Variants in RBM12 observed in about 807,000 individuals in gnomAD.
RBM12 encodes RNA-binding protein 12.
RBM12 carries 24 observed loss-of-function variants against 37.2 expected under a neutral mutation model. The observed-to-expected ratio is 0.65, with a 90% CI of 0.47 to 0.91. The LOEUF (loss-of-function observed/expected upper bound fraction) is 0.91, where lower values mean the gene tolerates loss of function less well. Among genes scored for constraint, RBM12 ranks in the 40% least tolerant of loss-of-function variants. The pLI, the probability that RBM12 is intolerant of heterozygous loss-of-function variation, is 0.00. For synonymous variants in RBM12, 420 were observed against 425.2 expected, an observed-to-expected ratio of 0.99 and a Z score of 0.15; for missense variants, 1,061 against 1,183.2, an observed-to-expected ratio of 0.90 and a Z score of 1.52.
Position 35,649,125 on chromosome 20 carries a change from A to G in RBM12, c.*3399T>C, listed in dbSNP as rs534907193. The G allele has an allele frequency of 9.2e-4, 140 of 152,682 alleles. No individual in the cohort carries two copies. Among genetic ancestry groups the G allele is most frequent in the African/African-American group, 3.1e-3 (130 of 41,600 alleles). The allele number at this position is 152,682 out of a possible 1,614,324, so 9.5% of individuals were successfully genotyped here. On this transcript the variant is annotated 3_prime_UTR_variant, in exon 3 of 3. Transcript: ENST00000374114. ...AAGTCTGGACTACTATAGAACTGCCAGTAAAACAATTTAAATGTGGCAATT... is the reference window on the plus strand; with the variant it reads ...AAGTCTGGACTACTATAGAACTGCCGGTAAAACAATTTAAATGTGGCAATT...
At chr20:35,661,783 A>G (rs1027831580) in intron 1 of RBM12, among the ~76,000 whole-genome samples, 9 of 152,180 alleles carry the variant, frequency 5.9e-5, no homozygotes, top group African/African-American at 2.2e-4. Context: ...TAAAACGACT[A>G]TTTTCACTCT....
chr20:35,649,900 C>T lies in RBM12; in HGVS notation c.*2624G>A, dbSNP rs2033385379. Reference sequence around the variant, plus strand: ...TATCATGATAGTGTTTACAAATGCACACAACTTTGAGCAAAGCTTTACAAA... The same window carrying T: ...TATCATGATAGTGTTTACAAATGCATACAACTTTGAGCAAAGCTTTACAAA... On this transcript the variant is annotated 3_prime_UTR_variant, in exon 3 of 3. Transcript: ENST00000374114. 2 of 152,282 alleles carry T rather than the reference C, an allele frequency of 1.3e-5. No homozygotes were observed. The highest frequency in any genetic ancestry group is 4.8e-5 in the African/African-American group (2 of 41,422). The allele number at this position is 152,282 out of a possible 1,614,324, so 9.4% of individuals were successfully genotyped here.
intron 2 of RBM12, among the ~76,000 whole-genome samples, chr20:35,657,992 G>A (rs2076425370): frequency 6.6e-6 from 1 of 151,980 alleles, no homozygotes; most frequent in South Asian, 2.1e-4. Flanking sequence ...AACCCGGGAG[G>A]CAGAGATCAC....
In RBM12 at chr20:35,651,481, T is replaced by C. The variant is rs1448225034; in HGVS notation, c.*1043A>G. 1 of 152,226 alleles carries C rather than the reference T, an allele frequency of 6.6e-6. No individual in the cohort carries two copies. The highest frequency in any genetic ancestry group is 1.5e-5 in the Non-Finnish European group (1 of 68,052). 9.4% of individuals were successfully genotyped at this position (152,226 alleles called of 1,614,324 possible). A position where few individuals can be genotyped will look rare whatever the true frequency, so the allele number is the denominator to read the frequency against. Reference sequence around the variant, plus strand: ...TCTACGAACCAGCATACGGATCTTTTATTCTATACTACTACTGCTAACAAA... The same window carrying C: ...TCTACGAACCAGCATACGGATCTTTCATTCTATACTACTACTGCTAACAAA... On this transcript the variant is annotated 3_prime_UTR_variant, in exon 3 of 3. Coordinates refer to ENST00000374114, the MANE Select transcript of RBM12 (RefSeq NM_006047.6).
At chr20:35,663,501 G>A (rs570920115) in intron 1 of RBM12, among the ~76,000 whole-genome samples, 7 of 152,214 alleles carry the variant, frequency 4.6e-5, no homozygotes, top group Admixed American at 3.9e-4. Context: ...CTTTTTTCCA[G>A]TGGGTTATAC....
At position 35,649,464 on chromosome 20, in the gene RBM12, T is replaced by C. The variant is rs756470413; in HGVS notation, c.*3060A>G. The C allele has an allele frequency of 6.6e-6, 1 of 152,610 alleles. No individual in the cohort carries two copies. The highest frequency in any genetic ancestry group is 1.5e-5 in the Non-Finnish European group (1 of 68,026). The allele number at this position is 152,610 out of a possible 1,614,324, so 9.5% of individuals were successfully genotyped here. A position where few individuals can be genotyped will look rare whatever the true frequency, so the allele number is the denominator to read the frequency against. The stretch of plus-strand genomic sequence containing the variant: ...AGACTGGCCTTAACTACACTGAATA[T>C]TACTACCTGAAATTTTAAATAAAGT... On this transcript the variant is annotated 3_prime_UTR_variant, in exon 3 of 3. Coordinates refer to ENST00000374114, the MANE Select transcript of RBM12 (RefSeq NM_006047.6).
chr20:35,658,837 AC>A (rs1420033211), intron 2 of RBM12, 92 bp downstream of exon 2: 81 of 659,072 alleles, frequency 1.2e-4, no homozygotes, highest in South Asian at 2.7e-4. Flanking sequence ...ACACACACAC[AC>A]AATATAGTTG....
At chr20:35,655,580 A>T (rs1025532251) in intron 2 of RBM12, among the ~76,000 whole-genome samples, 2 of 152,206 alleles carry the variant, frequency 1.3e-5, no homozygotes, top group South Asian at 2.1e-4. Context: ...CAGTCCCAAG[A>T]CTCAAAAAGT....
chr20:35,661,989 T>A (rs898122225), intron 1 of RBM12, among the ~76,000 whole-genome samples: 1 of 152,210 alleles, frequency 6.6e-6, no homozygotes, highest in African/African-American at 2.4e-5. Flanking sequence ...AATCACATTA[T>A]AATAAACATT....
Position 35,652,286 on chromosome 20 carries a change from T to C in RBM12, c.*238A>G, listed in dbSNP as rs1211580808. Reference sequence around the variant, plus strand: ...TGAGTTTTACAAATGGTTTCTCTAATGGTATGCCAAAATCATTTATGTGTT... The same window carrying C: ...TGAGTTTTACAAATGGTTTCTCTAACGGTATGCCAAAATCATTTATGTGTT... On this transcript the variant is annotated 3_prime_UTR_variant, in exon 3 of 3. Coordinates refer to ENST00000374114, the MANE Select transcript of RBM12 (RefSeq NM_006047.6). The C allele has an allele frequency of 4.5e-6, 2 of 445,758 alleles. No individual in the cohort carries two copies. The highest frequency in any genetic ancestry group is 7.9e-6 in the Non-Finnish European group (2 of 251,942). The allele number at this position is 445,758 out of a possible 1,614,324, so 27.6% of individuals were successfully genotyped here.
At chr20:35,656,693 C>G (rs992191448) in intron 2 of RBM12, among the ~76,000 whole-genome samples, 3 of 152,158 alleles carry the variant, frequency 2.0e-5, no homozygotes, top group African/African-American at 7.2e-5. Flanking sequence ...CGCCACCATG[C>G]CTGGCTAAGT....
Position 35,653,906 on chromosome 20 carries a change from C to T in RBM12, c.1417G>A (p.Glu473Lys). 6.2e-7 allele frequency: 1 copy of T among 1,614,150 alleles called. No individual in the cohort carries two copies. Among genetic ancestry groups the T allele is most frequent in the Non-Finnish European group, 8.5e-7 (1 of 1,180,026 alleles). ...AYGPNGKATG[E>K]GFVEFRNEAD... is the part of the protein sequence containing the mutation. Reference sequence around the variant, plus strand: ...TCATTTCTGAACTCTACAAAGCCTTCGCCAGTTGCTTTCCCATTGGGTCCA... The same window carrying T: ...TCATTTCTGAACTCTACAAAGCCTTTGCCAGTTGCTTTCCCATTGGGTCCA... Residue 473 changes from glutamate to lysine, a missense_variant, in exon 3 of 3, where the codon GAA becomes AAA. Transcript: ENST00000374114.
rs527379791 is a variant in RBM12, at chr20:35,662,296, A to AT, written c.-108+2463dup. On this transcript the variant is annotated intron_variant, in intron 1 of 2. Coordinates refer to ENST00000374114, the MANE Select transcript of RBM12 (RefSeq NM_006047.6). ...TTCATTTTCACTTCAGAGCAAAATT[A>AT]TACTTCTAACCTAAACAACCACATT... Among the ~76,000 whole-genome samples the AT allele has an allele frequency of 5.4e-4, 83 of 152,370 alleles. 1 individual carries two copies. In the South Asian group the frequency reaches 0.017, roughly 32 times the overall value.
intron 2 of RBM12, among the ~76,000 whole-genome samples, chr20:35,656,581 C>T (rs568519805): frequency 1.3e-5 from 2 of 152,340 alleles, no homozygotes; most frequent in South Asian, 4.1e-4. Flanking sequence ...GTAGCCCAGG[C>T]TGCAGTGCAA....
rs763463050 is a variant in RBM12 at position 35,654,797 on chromosome 20, G to T, written c.526C>A (p.Pro176Thr). Residue 176 changes from proline (P) to threonine (T), a missense_variant, in exon 3 of 3, where the codon CCA (proline) becomes ACA (threonine). Physicochemically the swap from Pro to Thr is conservative, Grantham distance 38. Transcript: ENST00000374114. Reference protein sequence around the residue: ...FGSPTFSSTVPSTASPMNTVP... With the variant: ...FGSPTFSSTVTSTASPMNTVP... ...GTGTTCATTGGAGAGGCTGTGCTTG[G>T]AACAGTTGAGCTAAACGTTGGGCTC... 1.2e-5 allele frequency: 19 copies of T among 1,614,074 alleles called. No homozygotes were observed. The Admixed American group carries it at 2.7e-4, about 23-fold the overall frequency.
chr20:35,650,245 A>T lies in RBM12; in HGVS notation c.*2279T>A, dbSNP rs973404623. On this transcript the variant is annotated 3_prime_UTR_variant, in exon 3 of 3. Coordinates refer to ENST00000374114, the MANE Select transcript of RBM12 (RefSeq NM_006047.6). ...AATTTCTACACAAACCGCTCTTTTA[A>T]TTTATTTAATTAGATGAACAATGAA... 6.6e-6 allele frequency: 1 copy of T among 152,268 alleles called. No individual in the cohort carries two copies. Among genetic ancestry groups the T allele is most frequent in the African/African-American group, 2.4e-5 (1 of 41,454 alleles). The allele number at this position is 152,268 out of a possible 1,614,324, so 9.4% of individuals were successfully genotyped here.
chr20:35,664,356 C>T (rs939219660), intron 1 of RBM12: 1 of 152,272 alleles, frequency 6.6e-6, no homozygotes, highest in African/African-American at 2.4e-5. Flanking sequence ...ATTATCTCCC[C>T]ACCTCCAGGC....
chr20:35,661,881 A>C (rs1468912468), intron 1 of RBM12, among the ~76,000 whole-genome samples: 2 of 152,212 alleles, frequency 1.3e-5, no homozygotes, highest in Non-Finnish European at 2.9e-5. Flanking sequence ...CAGCAGAGCT[A>C]GGTTCTTCAG....
intron 2 of RBM12, among the ~76,000 whole-genome samples, chr20:35,658,399 T>G (rs1330916543): frequency 1.3e-5 from 2 of 152,116 alleles, no homozygotes; most frequent in Non-Finnish European, 2.9e-5. Context: ...ATAAATGAAA[T>G]TGACCCCCAA....
Sources: allele counts gnomAD v4.1 joint callset (sites outside exome capture counted in the v4.1 genomes callset), GRCh38; gene constraint gnomAD v4.1.1; transcripts MANE v1.5; gene names NCBI Gene and HGNC (gene_info 2026-07-23, HGNC 2026-07-21).